Variants in KIF14 observed in about 807,000 individuals in gnomAD.
KIF14 encodes the protein kinesin-like protein KIF14.
Under a neutral mutation model 176.2 loss-of-function variants are expected in KIF14, and 98 were observed. The ratio of observed to expected loss-of-function variants is 0.56; its 90% CI spans 0.47 to 0.66. The LOEUF (loss-of-function observed/expected upper bound fraction) is 0.66, where lower values mean the gene tolerates loss of function less well. KIF14 is among the 30% of genes least tolerant of loss of function. The pLI, the probability that KIF14 is intolerant of heterozygous loss-of-function variation, is 0.00. For synonymous variants in KIF14, 566 were observed against 632.2 expected (o/e 0.90, Z 1.57); for missense variants, 1,751 against 1,920.4 (o/e 0.91, Z 1.65).
intron 27 of KIF14, among the ~76,000 whole-genome samples, chr1:200,556,949 G>A (rs113509106): frequency 0.013 from 1,988 of 152,282 alleles, 60 homozygotes; most frequent in African/African-American, 0.045. Flanking sequence ...TTGATTTAGT[G>A]ACAATATGAG....
chr1:200,572,469 C>T (rs759093602), intron 22 of KIF14, among the ~76,000 whole-genome samples: 10 of 152,044 alleles, frequency 6.6e-5, no homozygotes, highest in South Asian at 2.1e-4. Context: ...CTCAGCCTCC[C>T]GAGTAGCTGG....
intron 23 of KIF14, among the ~76,000 whole-genome samples, chr1:200,567,975 AT>A (rs1303411176): frequency 6.6e-6 from 1 of 152,224 alleles, no homozygotes; most frequent in Non-Finnish European, 1.5e-5. Flanking sequence ...TAAGAAGATA[AT>A]TGTATTAATG....
chr1:200,615,716 C>G (rs1036528132), intron 2 of KIF14, 107 bp from the exon 3 acceptor site: 25 of 962,180 alleles, frequency 2.6e-5, no homozygotes, highest in Non-Finnish European at 3.6e-5. Context: ...TCTTCCAAGG[C>G]AAGATAATTC....
At position 200,586,210 on chromosome 1, in the gene KIF14, G is replaced by A. The variant is rs1658729156; in HGVS notation, c.3132C>T (p.Ser1044=). 6.3e-7 allele frequency: 1 copy of A among 1,594,978 alleles called. No individual in the cohort carries two copies. Among genetic ancestry groups the A allele is most frequent in the Non-Finnish European group, 8.6e-7 (1 of 1,168,274 alleles). ...CTTCCAGAATTCTTGCATGGCGGAT[G>A]CTATGGTCTTCTAAAGCCTAATTGA... ...LATKQALEDH[S]IRHARILEAL... The change falls in exon 19 of 30, where the codon AGC becomes AGT. Residue 1044 remains serine, a synonymous_variant. Coordinates refer to ENST00000367350, the MANE Select transcript of KIF14 (RefSeq NM_014875.3).
rs869174532 is a variant in KIF14 at position 200,573,427 on chromosome 1, C to CTTTTTTTTTTTTT, written c.3566+2151_3566+2163dup. ...TTCCCTACACTCAAGGAGCTCATTT[C>CTTTTTTTTTTTTT]TTTTTTTTTTTTTTTTTTTTTTTTG... On this transcript the variant is annotated intron_variant, in intron 22 of 29. Coordinates refer to ENST00000367350, the MANE Select transcript of KIF14 (RefSeq NM_014875.3). Among the ~76,000 whole-genome samples, 63 of 77,742 alleles carry CTTTTTTTTTTTTT rather than the reference C, an allele frequency of 8.1e-4. 3 individuals are homozygous for CTTTTTTTTTTTTT. The highest frequency in any genetic ancestry group is 1.1e-3 in the Non-Finnish European group (45 of 42,470). The allele number at this position is 77,742 out of a possible 152,430, so 51.0% of individuals were successfully genotyped here.
chr1:200,615,491 C>G lies in KIF14; in HGVS notation c.1231G>C (p.Asp411His). The change falls in exon 3 of 30, where the codon GAT becomes CAT. Residue 411 changes from aspartate (D) to histidine (H), a missense_variant. Asp to His is a moderately conservative substitution (Grantham distance 81). Coordinates refer to ENST00000367350, the MANE Select transcript of KIF14 (RefSeq NM_014875.3). Reference sequence around the variant, plus strand: ...CTAGCGTAGTGAGGATGACATTCATCAAAAGACCAGAATGAAACATCATAA... The same window carrying G: ...CTAGCGTAGTGAGGATGACATTCATGAAAAGACCAGAATGAAACATCATAA... ...FIYDVSFWSF[D>H]ECHPHYASQT... 3.7e-6 allele frequency: 6 copies of G among 1,614,064 alleles called. No individual in the cohort carries two copies. Among genetic ancestry groups the G allele is most frequent in the Non-Finnish European group, 5.1e-6 (6 of 1,179,982 alleles).
chr1:200,571,924 T>C (rs1307380173), intron 22 of KIF14, among the ~76,000 whole-genome samples: 1 of 152,216 alleles, frequency 6.6e-6, no homozygotes, highest in Non-Finnish European at 1.5e-5. Context: ...GAGGGAAATT[T>C]ACTTTTAATT....
At position 200,574,536 on chromosome 1, in the gene KIF14, A is replaced by G. The variant is rs116495478; in HGVS notation, c.3566+1055T>C. ...GTTTTTATCAACTGCTCCTGCCTCT[A>G]CTTTCCTCAATTCCTGGTCTTTCAG... On this transcript the variant is annotated intron_variant, in intron 22 of 29. Transcript: ENST00000367350. Among the ~76,000 whole-genome samples, 417 of 152,282 alleles carry G rather than the reference A, an allele frequency of 2.7e-3. 3 individuals carry two copies. Among genetic ancestry groups the G allele is most frequent in the African/African-American group, 9.7e-3 (401 of 41,552 alleles).
intron 2 of KIF14, among the ~76,000 whole-genome samples, chr1:200,616,708 A>G (rs1660421271): frequency 6.6e-6 from 1 of 152,226 alleles, no homozygotes; most frequent in African/African-American, 2.4e-5. Context: ...AAAATATTTT[A>G]AACAACTACA....
At chr1:200,596,888 C>CTTTTT (rs993346438) in intron 14 of KIF14, among the ~76,000 whole-genome samples, 24 of 99,208 alleles carry the variant, frequency 2.4e-4, no homozygotes, top group African/African-American at 5.0e-4. Flanking sequence ...CTCTCTCTCT[C>CTTTTT]TTTTTTTTTT....
chr1:200,617,844 G>A lies in KIF14; in HGVS notation c.880C>T (p.Pro294Ser). The change falls in exon 2 of 30, where the codon CCT becomes TCT. Residue 294 changes from proline (P) to serine (S), a missense_variant. By Grantham distance (74) the Pro-to-Ser change is moderately conservative. Transcript: ENST00000367350. ...GATGGAGCTGGGCTCTTAAGCTGAG[G>A]CAGGCTGCACTTTGTTGTCAGTTTG... ...EHKLTTKCSL[P>S]QLKSPAPSIL... 1 of 1,614,168 alleles carries A rather than the reference G, an allele frequency of 6.2e-7. No individual in the cohort carries two copies. Among genetic ancestry groups the A allele is most frequent in the Non-Finnish European group, 8.5e-7 (1 of 1,180,024 alleles).
intron 21 of KIF14, among the ~76,000 whole-genome samples, chr1:200,579,615 A>AT (rs1553256581): frequency 4.6e-5 from 7 of 151,534 alleles, no homozygotes; most frequent in Non-Finnish European, 8.8e-5. Flanking sequence ...ATTTCAAAAA[A>AT]ATATATATAT....
intron 27 of KIF14, among the ~76,000 whole-genome samples, chr1:200,556,270 C>T (rs550376913): frequency 5.3e-5 from 8 of 152,126 alleles, no homozygotes; most frequent in Non-Finnish European, 1.0e-4. Flanking sequence ...TCACAGAGAG[C>T]TTCCCTAGCC....
intron 29 of KIF14, 72 bp from the exon 30 acceptor site, chr1:200,553,839 A>G: frequency 7.2e-7 from 1 of 1,392,006 alleles, no homozygotes; most frequent in East Asian, 2.3e-5. Flanking sequence ...ACTTTTATAG[A>G]CTCTAGATAT....
At chr1:200,619,253 C>T (rs941300251) in intron 1 of KIF14, among the ~76,000 whole-genome samples, 4 of 151,720 alleles carry the variant, frequency 2.6e-5, no homozygotes, top group African/African-American at 9.7e-5. Flanking sequence ...AACCCTAGCA[C>T]CTAAATCAGA....
In KIF14 at chr1:200,600,090, T is replaced by C; in HGVS notation, c.2324A>G (p.Gln775Arg). 1 of 1,600,962 alleles carries C rather than the reference T, an allele frequency of 6.2e-7. No individual in the cohort carries two copies. Among genetic ancestry groups the C allele is most frequent in the African/African-American group, 1.3e-5 (1 of 74,602 alleles). The change falls in exon 13 of 30, where the codon CAA becomes CGA. Residue 775 changes from glutamine (Q) to arginine (R), a missense_variant. Transcript: ENST00000367350. The part of the protein sequence containing the change: ...MQRVWKEKFE[Q>R]AEKRKLQETK... ...TTCTTGAAGTTTTCTTTTTTCAGCT[T>C]GTTCAAACTTTTCTTTCCACACTCT...
intron 11 of KIF14, among the ~76,000 whole-genome samples, chr1:200,601,517 T>C (rs1277026832): frequency 6.6e-6 from 1 of 152,206 alleles, no homozygotes; most frequent in African/African-American, 2.4e-5. Flanking sequence ...TGCCTTTGGA[T>C]CAATGAACTA....
chr1:200,614,959 AC>A (rs1203786985), intron 3 of KIF14, among the ~76,000 whole-genome samples: 1 of 152,010 alleles, frequency 6.6e-6, no homozygotes. Flanking sequence ...CTGGACTCGA[AC>A]TCCTGCACTT....
intron 23 of KIF14, among the ~76,000 whole-genome samples, chr1:200,567,854 A>G (rs866506655): frequency 2.0e-5 from 3 of 152,056 alleles, no homozygotes; most frequent in South Asian, 2.1e-4. Context: ...AAGAGAAAAA[A>G]AAAAAGCTAC....
Sources: gnomAD v4.1 joint callset for allele counts (sites outside exome capture counted in the v4.1 genomes callset) on GRCh38, gnomAD v4.1.1 for gene constraint, MANE v1.5 for transcripts, NCBI Gene and HGNC (gene_info 2026-07-23, HGNC 2026-07-21) for gene names.